Variants in SORCS2 observed in about 807,000 individuals in gnomAD.
The protein encoded by SORCS2 is sortilin related VPS10 domain containing receptor 2.
In SORCS2, 100 loss-of-function variants were observed where a neutral mutation model predicts 141.6. That is an observed-to-expected ratio of 0.71 (90% CI 0.60 to 0.83). The LOEUF is 0.83. Among genes scored for constraint, SORCS2 ranks in the 40% least tolerant of loss-of-function variants. The probability of loss-of-function intolerance (pLI) is 0.00; values close to 1 mark genes in which losing one functional copy is unlikely to be tolerated. For missense variants in SORCS2, 1,646 were observed against 1,560.2 expected (o/e 1.05, Z -0.93); for synonymous variants, 789 against 676.9 (o/e 1.17, Z -2.57).
chr4:7,288,945 G>A (rs1246376132), intron 1 of SORCS2, among the ~76,000 whole-genome samples: 1 of 151,890 alleles, frequency 6.6e-6, no homozygotes, highest in African/African-American at 2.4e-5. Context: ...ACCTCCTCCA[G>A]GAAGCCTTCC....
intron 9 of SORCS2, among the ~76,000 whole-genome samples, chr4:7,677,215 G>A (rs943785339): frequency 6.6e-6 from 1 of 152,032 alleles, no homozygotes; most frequent in African/African-American, 2.4e-5. Flanking sequence ...GGTCCCCCTC[G>A]GCCTCCCGCG....
In SORCS2 at chr4:7,448,278, C is replaced by T. The variant is rs1034992095; in HGVS notation, c.548+51923C>T. Among the ~76,000 whole-genome samples the T allele has an allele frequency of 5.8e-4, 88 of 152,110 alleles. 5 individuals are homozygous for T. Among genetic ancestry groups the T allele is most frequent in the Non-Finnish European group, 1.2e-4 (8 of 67,990 alleles). On this transcript the variant is annotated intron_variant, in intron 2 of 26. Coordinates refer to ENST00000507866, the MANE Select transcript of SORCS2 (RefSeq NM_020777.3). ...GGCGCAGGGCAAGGGGCATCTCCCACGTCACCCAGTGTGGCCAAGGCGTGC... is the reference window on the plus strand; with the variant it reads ...GGCGCAGGGCAAGGGGCATCTCCCATGTCACCCAGTGTGGCCAAGGCGTGC...
chr4:7,676,799 T>TTCTCTCTCTCTCTCTC (rs145811983), intron 9 of SORCS2, among the ~76,000 whole-genome samples: 1 of 32,256 alleles, frequency 3.1e-5, no homozygotes, highest in African/African-American at 1.3e-4. Flanking sequence ...AAGTCTGCCT[T>TTCTCTCTCTCTCTCTC]TCTGTCTCTC....
intron 9 of SORCS2, among the ~76,000 whole-genome samples, chr4:7,679,249 T>C (rs1044759270): frequency 6.6e-6 from 1 of 152,154 alleles, no homozygotes; most frequent in African/African-American, 2.4e-5. Flanking sequence ...CCTAGGCTCC[T>C]CTTTTGCTGG....
At chr4:7,416,563 T>C (rs1173895850) in intron 2 of SORCS2, among the ~76,000 whole-genome samples, 1 of 151,908 alleles carries the variant, frequency 6.6e-6, no homozygotes, top group Non-Finnish European at 1.5e-5. Context: ...CATGTGCACA[T>C]GCACACACAC....
intron 2 of SORCS2, among the ~76,000 whole-genome samples, chr4:7,465,481 GGCACAGGCA>G (rs1388374299): frequency 6.6e-6 from 1 of 152,138 alleles, no homozygotes; most frequent in East Asian, 1.9e-4. Context: ...CGCCAGGGTG[GGCACAGGCA>G]CTGTGAGGAG....
intron 3 of SORCS2, among the ~76,000 whole-genome samples, chr4:7,573,913 A>T (rs796875526): frequency 1.6e-4 from 25 of 152,290 alleles, no homozygotes; most frequent in African/African-American, 6.0e-4. Flanking sequence ...TGTGCTTGGG[A>T]AGCAGCAGGC....
In SORCS2 at chr4:7,235,146, G is replaced by A. The variant is rs185409502; in HGVS notation, c.480+42020G>A. Among the ~76,000 whole-genome samples the A allele has an allele frequency of 1.8e-3, 267 of 152,320 alleles. 4 individuals carry two copies. Among genetic ancestry groups the A allele is most frequent in the East Asian group, 1.2e-3 (6 of 5,186 alleles). On this transcript the variant is annotated intron_variant, in intron 1 of 26. Transcript: ENST00000507866. ...CTCCTGGAGCCTCGGTGTCCTTGCC[G>A]GTGAATGGTACTAACAGCAGATAGG...
chr4:7,388,070 A>C (rs1577484925), intron 1 of SORCS2, among the ~76,000 whole-genome samples: 1 of 148,974 alleles, frequency 6.7e-6, no homozygotes, highest in Admixed American at 6.7e-5. Flanking sequence ...ACAGTTACAC[A>C]GAGATACACA....
rs767545781 is a variant in SORCS2 at position 7,723,680 on chromosome 4, A to G, written c.2425-17A>G. On this transcript the variant is annotated splice_polypyrimidine_tract_variant and intron_variant, in intron 18 of 26. Transcript: ENST00000507866. ...TCAAGGCCCACTCCTGAGTGGCCAC[A>G]TGGTGTTTCTCTGCAGGGTGATGTC... The G allele has an allele frequency of 6.2e-5, 100 of 1,613,568 alleles. No homozygotes were observed. Among genetic ancestry groups the G allele is most frequent in the Non-Finnish European group, 7.5e-5 (89 of 1,179,770 alleles).
intron 1 of SORCS2, among the ~76,000 whole-genome samples, chr4:7,270,645 C>T (rs1332406142): frequency 6.6e-6 from 1 of 152,178 alleles, no homozygotes; most frequent in Admixed American, 6.5e-5. Flanking sequence ...TGCCTTTCCA[C>T]TAAAAAAAGA....
At chr4:7,252,423 G>T (rs961254305) in intron 1 of SORCS2, among the ~76,000 whole-genome samples, 1 of 152,244 alleles carries the variant, frequency 6.6e-6, no homozygotes, top group Non-Finnish European at 1.5e-5. Context: ...CTGGGGGCTG[G>T]CCAGGAGGGT....
intron 1 of SORCS2, among the ~76,000 whole-genome samples, chr4:7,215,346 G>T (rs76519493): frequency 1.3e-5 from 2 of 152,208 alleles, no homozygotes; most frequent in African/African-American, 4.8e-5. Context: ...ATTTCTCACC[G>T]GGCCTTAGCT....
chr4:7,326,325 A>G (rs544142815), intron 1 of SORCS2, among the ~76,000 whole-genome samples: 1 of 152,118 alleles, frequency 6.6e-6, no homozygotes, highest in Admixed American at 6.5e-5. Context: ...TGACCCTGGC[A>G]TCGGGTGGCT....
intron 2 of SORCS2, among the ~76,000 whole-genome samples, chr4:7,465,895 C>T (rs969875721): frequency 6.6e-6 from 1 of 152,088 alleles, no homozygotes; most frequent in Non-Finnish European, 1.5e-5. Flanking sequence ...TCATCATTCC[C>T]GTTTTGCAGA....
At chr4:7,680,925 A>G (rs1286859558) in intron 9 of SORCS2, among the ~76,000 whole-genome samples, 1 of 152,208 alleles carries the variant, frequency 6.6e-6, no homozygotes, top group Admixed American at 6.5e-5. Context: ...GCACTTTGAA[A>G]CAGATAATTT....
intron 2 of SORCS2, among the ~76,000 whole-genome samples, chr4:7,459,354 T>TG (rs1729140597): frequency 6.6e-6 from 1 of 151,968 alleles, no homozygotes; most frequent in Non-Finnish European, 1.5e-5. Flanking sequence ...AGACATGAGG[T>TG]GGGGGTCAGG....
intron 13 of SORCS2, among the ~76,000 whole-genome samples, chr4:7,703,765 G>T (rs574265415): frequency 3.9e-5 from 6 of 152,206 alleles, no homozygotes; most frequent in Admixed American, 3.9e-4. Flanking sequence ...GAGGGCAGGC[G>T]TGAACTCGGG....
At position 7,577,958 on chromosome 4, in the gene SORCS2, C is replaced by T. The variant is rs190173339; in HGVS notation, c.648+46329C>T. 4.2e-3 allele frequency among the ~76,000 whole-genome samples: 638 copies of T among 150,732 alleles called. 2 individuals are homozygous for T. The highest frequency in any genetic ancestry group is 0.015 in the African/African-American group (607 of 41,038). ...TTGGAGAAGTCATATAGCATACTGG[C>T]GAAGTCAGCTAGTGCCATGGTTTGG... On this transcript the variant is annotated intron_variant, in intron 3 of 26. Coordinates refer to ENST00000507866, the MANE Select transcript of SORCS2 (RefSeq NM_020777.3).
Sources: allele counts gnomAD v4.1 joint callset (sites outside exome capture counted in the v4.1 genomes callset), GRCh38; gene constraint gnomAD v4.1.1; transcripts MANE v1.5; gene names NCBI Gene and HGNC (gene_info 2026-07-23, HGNC 2026-07-21).